The following KCNU1 variants were observed in gnomAD, a reference collection of about 807,000 sequenced individuals.
KCNU1 encodes potassium channel subfamily U member 1.
In KCNU1, 93 loss-of-function variants were observed where a neutral mutation model predicts 126.8. That is an observed-to-expected ratio of 0.73 (90% CI 0.62 to 0.87). The LOEUF (loss-of-function observed/expected upper bound fraction) is 0.87, where lower values mean the gene tolerates loss of function less well. Ranked by LOEUF, KCNU1 falls within the 40% of genes least tolerant of loss-of-function variation. The pLI is 0.00. For synonymous variants in KCNU1, 523 were observed against 494.2 expected (o/e 1.06, Z -0.77); for missense variants, 1,330 against 1,367.1 (o/e 0.97, Z 0.43).
At chr8:36,816,905 G>T (rs529019058) in intron 9 of KCNU1, among the ~76,000 whole-genome samples, 2 of 151,312 alleles carry the variant, frequency 1.3e-5, no homozygotes, top group Non-Finnish European at 2.9e-5. Context: ...GTGAGAAATG[G>T]AAAAATTGAT....
At chr8:36,890,512 AGTGTT>A (rs1436904567) in intron 19 of KCNU1, among the ~76,000 whole-genome samples, 3 of 152,016 alleles carry the variant, frequency 2.0e-5, no homozygotes, top group African/African-American at 4.8e-5. Flanking sequence ...AATATATATA[AGTGTT>A]GTGTTGTGCT....
chr8:36,918,450 G>T (rs977286733), intron 22 of KCNU1, among the ~76,000 whole-genome samples: 14 of 151,526 alleles, frequency 9.2e-5, no homozygotes, highest in African/African-American at 3.4e-4. Flanking sequence ...AGCTACTCAG[G>T]AGGCTGAGGC....
In KCNU1 at chr8:36,785,313, G is replaced by A. The variant is rs192883454; in HGVS notation, c.195+708G>A. 4.1e-4 allele frequency among the ~76,000 whole-genome samples: 62 copies of A among 152,284 alleles called. 1 individual carries two copies. The highest frequency in any genetic ancestry group is 8.5e-4 in the Admixed American group (13 of 15,292). On this transcript the variant is annotated intron_variant, in intron 1 of 26. Coordinates refer to ENST00000399881, the MANE Select transcript of KCNU1 (RefSeq NM_001031836.3). ...GATGTTCTATTACCAGAGGTCAAAGGTGAAGAGTTTTACTATACCCTGTGT... is the reference window on the plus strand; with the variant it reads ...GATGTTCTATTACCAGAGGTCAAAGATGAAGAGTTTTACTATACCCTGTGT...
intron 19 of KCNU1, among the ~76,000 whole-genome samples, chr8:36,885,338 T>C (rs1585510236): frequency 1.3e-5 from 2 of 152,262 alleles, no homozygotes; most frequent in East Asian, 3.9e-4. Context: ...GCAGATCCCC[T>C]GAGGTCAGGA....
chr8:36,853,156 A>G (rs1805411795), intron 18 of KCNU1, among the ~76,000 whole-genome samples: 1 of 152,092 alleles, frequency 6.6e-6, no homozygotes, highest in Non-Finnish European at 1.5e-5. Flanking sequence ...TCGAGACCAG[A>G]CTGGTCCACA....
rs144817701 is a variant in KCNU1 at position 36,933,252 on chromosome 8, G to A, written c.3044+220G>A. Among the ~76,000 whole-genome samples the A allele has an allele frequency of 9.9e-3, 1,509 of 152,152 alleles. 16 individuals carry two copies. The highest frequency in any genetic ancestry group is 0.034 in the African/African-American group (1,395 of 41,524). ...TAATATTGGCTATATAAGAAGAATG[G>A]AGTCTCTGTCCCCCAGTGAAAATTG... On this transcript the variant is annotated intron_variant, in intron 26 of 26. Coordinates refer to ENST00000399881, the MANE Select transcript of KCNU1 (RefSeq NM_001031836.3).
chr8:36,822,173 C>T (rs1043901236), intron 10 of KCNU1, among the ~76,000 whole-genome samples: 5 of 152,030 alleles, frequency 3.3e-5, no homozygotes, highest in African/African-American at 1.2e-4. Flanking sequence ...CTGACAGCAT[C>T]TGCTTTAGTA....
chr8:36,875,010 T>C (rs1344074423), intron 19 of KCNU1, among the ~76,000 whole-genome samples: 2 of 152,026 alleles, frequency 1.3e-5, no homozygotes, highest in Non-Finnish European at 2.9e-5. Flanking sequence ...TGCTTCCTGG[T>C]TTCCTCCTAA....
chr8:36,843,603 G>A (rs534030554), intron 16 of KCNU1, among the ~76,000 whole-genome samples: 1 of 152,284 alleles, frequency 6.6e-6, no homozygotes, highest in South Asian at 2.1e-4. Context: ...TGGCTCCAGG[G>A]CTGTGCTTCT....
intron 10 of KCNU1, among the ~76,000 whole-genome samples, chr8:36,823,128 G>A (rs1383699777): frequency 6.6e-6 from 1 of 152,112 alleles, no homozygotes; most frequent in Non-Finnish European, 1.5e-5. Context: ...ATCAGAATAC[G>A]CATTCAGAAG....
Position 36,791,333 on chromosome 8 carries a change from T to G in KCNU1, c.315+3908T>G, listed in dbSNP as rs150302473. Among the ~76,000 whole-genome samples, 382 of 152,320 alleles carry G rather than the reference T, an allele frequency of 2.5e-3. 1 individual carries two copies. Among genetic ancestry groups the G allele is most frequent in the Middle Eastern group, 0.02 (6 of 294 alleles). On this transcript the variant is annotated intron_variant, in intron 2 of 26. Transcript: ENST00000399881. ...TGTGGTTGTTAATTACATAACTGACTGTGTTTCTCTATTGCTTTGTGGCTA... is the reference window on the plus strand; with the variant it reads ...TGTGGTTGTTAATTACATAACTGACGGTGTTTCTCTATTGCTTTGTGGCTA...
intron 19 of KCNU1, among the ~76,000 whole-genome samples, chr8:36,885,875 C>T (rs190601936): frequency 2.0e-4 from 31 of 152,228 alleles, no homozygotes; most frequent in African/African-American, 6.7e-4. Flanking sequence ...AAATACTTTC[C>T]CAGGGCTTTG....
intron 23 of KCNU1, among the ~76,000 whole-genome samples, chr8:36,920,794 A>G (rs1808313940): frequency 6.6e-6 from 1 of 152,242 alleles, no homozygotes; most frequent in Non-Finnish European, 1.5e-5. Context: ...AGAAGTGCAC[A>G]GGAGATGTGG....
At chr8:36,838,605 G>A (rs1433946385) in intron 14 of KCNU1, among the ~76,000 whole-genome samples, 1 of 152,126 alleles carries the variant, frequency 6.6e-6, no homozygotes, top group Non-Finnish European at 1.5e-5. Context: ...GCTGAGGCAG[G>A]GGAGTTGCTT....
At chr8:36,801,879 C>T (rs192506978) in intron 2 of KCNU1, among the ~76,000 whole-genome samples, 2 of 151,988 alleles carry the variant, frequency 1.3e-5, no homozygotes, top group African/African-American at 4.8e-5. Flanking sequence ...GAGGTCAAGG[C>T]GGGCAGATCG....
intron 18 of KCNU1, among the ~76,000 whole-genome samples, chr8:36,863,630 C>A (rs1467276751): frequency 6.6e-6 from 1 of 152,124 alleles, no homozygotes; most frequent in Non-Finnish European, 1.5e-5. Context: ...GCCTACCTAG[C>A]CCAGAGGGTT....
intron 22 of KCNU1, among the ~76,000 whole-genome samples, chr8:36,917,886 C>T (rs981344153): frequency 2.0e-5 from 3 of 152,126 alleles, no homozygotes; most frequent in Non-Finnish European, 4.4e-5. Context: ...CTCTGAGTGA[C>T]ATCCCAGCTC....
chr8:36,892,317 A>G (rs925733169), intron 19 of KCNU1, among the ~76,000 whole-genome samples: 3 of 151,842 alleles, frequency 2.0e-5, no homozygotes, highest in Non-Finnish European at 4.4e-5. Flanking sequence ...TTTTTTTCTT[A>G]TAATCTATCT....
intron 24 of KCNU1, among the ~76,000 whole-genome samples, chr8:36,929,332 C>T (rs992464966): frequency 5.5e-5 from 8 of 145,576 alleles, no homozygotes; most frequent in African/African-American, 1.0e-4. Flanking sequence ...TGCAGTGAGC[C>T]GAGATTGTGC....
Sources: allele counts gnomAD v4.1 joint callset (sites outside exome capture counted in the v4.1 genomes callset), GRCh38; gene constraint gnomAD v4.1.1; transcripts MANE v1.5; gene names NCBI Gene and HGNC (gene_info 2026-07-23, HGNC 2026-07-21).